UTRN: variants seen among roughly 807,000 people sequenced by gnomAD.
UTRN encodes dystrophin-related protein 1.
In UTRN, 283 loss-of-function variants were observed where a neutral mutation model predicts 463.9. The observed-to-expected ratio is 0.61, with a 90% CI of 0.55 to 0.67. UTRN has a LOEUF of 0.67. Ranked by LOEUF, UTRN falls within the 30% of genes least tolerant of loss-of-function variation. The pLI, the probability that UTRN is intolerant of heterozygous loss-of-function variation, is 0.00. For missense variants in UTRN, 3,922 were observed against 4,084.3 expected, an observed-to-expected ratio of 0.96 and a Z score of 1.08; for synonymous variants, 1,442 against 1,431.5, an observed-to-expected ratio of 1.01 and a Z score of -0.17.
At chr6:144,360,596 C>T (rs896997186) in intron 2 of UTRN, among the ~76,000 whole-genome samples, 15 of 152,198 alleles carry the variant, frequency 9.9e-5, no homozygotes, top group African/African-American at 3.4e-4. Context: ...ACCGGCATGC[C>T]TTTGCCTGAG....
chr6:144,589,834 G>A lies in UTRN; in HGVS notation c.7479+12546G>A, dbSNP rs182164138. 5.9e-5 allele frequency among the ~76,000 whole-genome samples: 9 copies of A among 152,028 alleles called. No homozygotes were observed. In the South Asian group the frequency reaches 6.2e-4, roughly 11 times the overall value. On this transcript the variant is annotated intron_variant, in intron 51 of 74. Coordinates refer to ENST00000367545, the MANE Select transcript of UTRN (RefSeq NM_007124.3). ...TAAGGAAACAGAGATAGTCTATAAT[G>A]GATGTTTTATTGCTGACAGCTTTTT...
chr6:144,417,328 G>T (rs1360112301), intron 3 of UTRN, among the ~76,000 whole-genome samples: 1 of 152,174 alleles, frequency 6.6e-6, no homozygotes, highest in Non-Finnish European at 1.5e-5. Context: ...CACAGATGTT[G>T]AAAACATAGA....
At chr6:144,597,584 T>C (rs1803788705) in intron 51 of UTRN, among the ~76,000 whole-genome samples, 1 of 152,222 alleles carries the variant, frequency 6.6e-6, no homozygotes, top group South Asian at 2.1e-4. Context: ...GAGACAGGCA[T>C]GGGGGCCCTT....
At chr6:144,763,576 A>T (rs992634051) in intron 58 of UTRN, among the ~76,000 whole-genome samples, 2 of 152,172 alleles carry the variant, frequency 1.3e-5, no homozygotes, top group Non-Finnish European at 2.9e-5. Context: ...TAGAGGAGAG[A>T]ATTCATGCAT....
At chr6:144,719,377 G>A (rs1786851479) in intron 53 of UTRN, among the ~76,000 whole-genome samples, 1 of 152,038 alleles carries the variant, frequency 6.6e-6, no homozygotes, top group Non-Finnish European at 1.5e-5. Flanking sequence ...TCAGGAATTC[G>A]AGACCAGCCT....
chr6:144,414,162 C>T (rs1784169365), intron 3 of UTRN, among the ~76,000 whole-genome samples: 1 of 151,982 alleles, frequency 6.6e-6, no homozygotes, highest in African/African-American at 2.4e-5. Context: ...AAAACAGCCT[C>T]AGGCAGTTCC....
At chr6:144,608,870 A>G (rs1585543052) in intron 51 of UTRN, among the ~76,000 whole-genome samples, 1 of 152,218 alleles carries the variant, frequency 6.6e-6, no homozygotes, top group East Asian at 1.9e-4. Context: ...CTACAAAGTA[A>G]AAACCTATAG....
At chr6:144,396,482 T>C (rs1353155129) in intron 2 of UTRN, among the ~76,000 whole-genome samples, 1 of 152,204 alleles carries the variant, frequency 6.6e-6, no homozygotes, top group African/African-American at 2.4e-5. Context: ...GTGTAACTAA[T>C]GCCACTGAAT....
chr6:144,673,437 T>C (rs573999355), intron 51 of UTRN, among the ~76,000 whole-genome samples: 1 of 152,270 alleles, frequency 6.6e-6, no homozygotes, highest in African/African-American at 2.4e-5. Context: ...TAAAGTCTGT[T>C]TTGTCTGATA....
At chr6:144,840,365 G>C (rs1781461953) in intron 72 of UTRN, among the ~76,000 whole-genome samples, 1 of 152,018 alleles carries the variant, frequency 6.6e-6, no homozygotes, top group Admixed American at 6.5e-5. Flanking sequence ...AAGGAGGACA[G>C]AAAAAGAAAT....
intron 58 of UTRN, among the ~76,000 whole-genome samples, chr6:144,764,543 A>C (rs1250791116): frequency 6.6e-6 from 1 of 152,188 alleles, no homozygotes; most frequent in African/African-American, 2.4e-5. Flanking sequence ...TAAGGGATGC[A>C]GTTAGTAAAG....
At chr6:144,315,761 G>A (rs1467890848) in intron 2 of UTRN, among the ~76,000 whole-genome samples, 2 of 152,208 alleles carry the variant, frequency 1.3e-5, no homozygotes, top group Non-Finnish European at 2.9e-5. Flanking sequence ...TTATGCAGTG[G>A]ACAGATTTCA....
rs367851704 is a variant in UTRN at position 144,477,571 on chromosome 6, CT to C, written c.3337-2232del. On this transcript the variant is annotated intron_variant, in intron 25 of 74. Coordinates refer to ENST00000367545, the MANE Select transcript of UTRN (RefSeq NM_007124.3). ...ACACACACACACACACGCACACACCCTTTTTTTTTGGTACTTTTGAACAGTA... is the reference window on the plus strand; with the variant it reads ...ACACACACACACACACGCACACACCCTTTTTTTTGGTACTTTTGAACAGTA... 3.4e-4 allele frequency among the ~76,000 whole-genome samples: 51 copies of C among 150,842 alleles called. 1 individual carries two copies. In the South Asian group the frequency reaches 3.8e-3, roughly 11 times the overall value.
chr6:144,611,979 T>A (rs180717663), intron 51 of UTRN, among the ~76,000 whole-genome samples: 214 of 152,236 alleles, frequency 1.4e-3, no homozygotes, highest in Middle Eastern at 6.8e-3. Context: ...ATAAAGAGAC[T>A]GTAATCAGAA....
chr6:144,642,695 G>A (rs1777890744), intron 51 of UTRN, among the ~76,000 whole-genome samples: 1 of 152,122 alleles, frequency 6.6e-6, no homozygotes, highest in Non-Finnish European at 1.5e-5. Context: ...AGTCTCCCCA[G>A]CCCAAGAAGG....
At position 144,523,082 on chromosome 6, in the gene UTRN, G is replaced by T; in HGVS notation, c.5800G>T (p.Val1934Phe). ...AGTCATTCATGAAAAACAGCCAGAT[G>T]TCATCCTTGAAGCCTCTGGACCTGA... is the stretch of plus-strand genomic sequence containing the variant. Reference protein sequence around the residue: ...IAVIHEKQPDVILEASGPEAI... With the variant: ...IAVIHEKQPDFILEASGPEAI... Residue 1934 changes from valine to phenylalanine, a missense_variant, in exon 41 of 75, where the codon GTC becomes TTC. Transcript: ENST00000367545. 1 of 1,613,388 alleles carries T rather than the reference G, an allele frequency of 6.2e-7. No homozygotes were observed. The highest frequency in any genetic ancestry group is 1.3e-5 in the African/African-American group (1 of 75,008).
chr6:144,829,661 G>C (rs934901505), intron 69 of UTRN, among the ~76,000 whole-genome samples: 1 of 150,536 alleles, frequency 6.6e-6, no homozygotes, highest in Middle Eastern at 3.5e-3. Flanking sequence ...ATGGGAATCT[G>C]TAAAGTAGAC....
chr6:144,740,559 GCA>G (rs1586318780), intron 54 of UTRN, among the ~76,000 whole-genome samples: 1 of 152,312 alleles, frequency 6.6e-6, no homozygotes, highest in East Asian at 1.9e-4. Flanking sequence ...AAGTTGTAAT[GCA>G]TGAAAAAGCG....
intron 51 of UTRN, among the ~76,000 whole-genome samples, chr6:144,656,293 G>T (rs183579137): frequency 9.2e-5 from 14 of 152,210 alleles, no homozygotes; most frequent in Non-Finnish European, 1.8e-4. Context: ...TCTATTTTTT[G>T]TTTTAATAAT....
Sources: gnomAD v4.1 joint callset for allele counts (sites outside exome capture counted in the v4.1 genomes callset) on GRCh38, gnomAD v4.1.1 for gene constraint, MANE v1.5 for transcripts, NCBI Gene and HGNC (gene_info 2026-07-23, HGNC 2026-07-21) for gene names.